The following ZBTB20 variants were observed in gnomAD, a reference collection of about 807,000 sequenced individuals.
ZBTB20 encodes the protein zinc finger and BTB domain containing 20, also known as zinc finger and BTB domain-containing protein 20.
A neutral mutation model predicts 56.9 loss-of-function variants in ZBTB20; 9 were observed. The ratio of observed to expected loss-of-function variants is 0.16; its 90% confidence interval spans 0.10 to 0.28. The LOEUF is 0.28. Ranked by LOEUF, ZBTB20 falls within the 10% of genes least tolerant of loss-of-function variation. ZBTB20 has a pLI of 1.00. For missense variants in ZBTB20, 655 were observed against 1,003.0 expected (o/e 0.65, Z 4.69); for synonymous variants, 417 against 420.7 (o/e 0.99, Z 0.11).
chr3:114,879,136 T>A (rs1308360764), intron 4 of ZBTB20, among the ~76,000 whole-genome samples: 2 of 152,272 alleles, frequency 1.3e-5, no homozygotes, highest in East Asian at 3.9e-4. Flanking sequence ...CCCAAAGAAG[T>A]GTGAACTTGT....
intron 6 of ZBTB20, among the ~76,000 whole-genome samples, chr3:114,557,697 C>T (rs962193887): frequency 6.6e-6 from 1 of 151,884 alleles, no homozygotes; most frequent in South Asian, 2.1e-4. Flanking sequence ...AAAAGGCTCC[C>T]ACTCCTTGCC....
At chr3:114,487,459 C>T (rs1220316158) in intron 7 of ZBTB20, among the ~76,000 whole-genome samples, 1 of 151,702 alleles carries the variant, frequency 6.6e-6, no homozygotes, top group African/African-American at 2.4e-5. Flanking sequence ...TGGACACTGT[C>T]TAAGGATTTA....
chr3:114,444,145 C>T (rs2091111078), intron 7 of ZBTB20, among the ~76,000 whole-genome samples: 1 of 152,146 alleles, frequency 6.6e-6, no homozygotes, highest in African/African-American at 2.4e-5. Context: ...CATTAGAACT[C>T]ATACTTTGAT....
intron 11 of ZBTB20, among the ~76,000 whole-genome samples, chr3:114,340,163 G>A (rs1051684335): frequency 6.6e-6 from 1 of 151,968 alleles, no homozygotes; most frequent in East Asian, 1.9e-4. Flanking sequence ...GATGATATCA[G>A]ACTCAAATGA....
intron 7 of ZBTB20, among the ~76,000 whole-genome samples, chr3:114,448,886 T>C (rs1242971925): frequency 1.3e-5 from 2 of 152,178 alleles, no homozygotes; most frequent in African/African-American, 4.8e-5. Flanking sequence ...TTTTCTCTTG[T>C]AGGTTAAAAT....
At chr3:114,580,709 T>A (rs940197053) in intron 6 of ZBTB20, among the ~76,000 whole-genome samples, 5 of 151,716 alleles carry the variant, frequency 3.3e-5, no homozygotes, top group African/African-American at 1.2e-4. Context: ...AATATAATAA[T>A]GTAAGAATCT....
At chr3:114,790,321 C>CT (rs888421960) in intron 5 of ZBTB20, among the ~76,000 whole-genome samples, 1 of 151,910 alleles carries the variant, frequency 6.6e-6, no homozygotes, top group Non-Finnish European at 1.5e-5. Flanking sequence ...TTCCTGATTC[C>CT]TTTTTTTGTT....
At chr3:114,839,463 GAA>G (rs1307008614) in intron 4 of ZBTB20, among the ~76,000 whole-genome samples, 56 of 149,248 alleles carry the variant, frequency 3.8e-4, no homozygotes, top group Middle Eastern at 6.9e-3. Context: ...AAGAAAGAAA[GAA>G]AGAGAGAGAG....
chr3:115,129,067 C>A (rs2084425948), intron 1 of ZBTB20, among the ~76,000 whole-genome samples: 2 of 152,074 alleles, frequency 1.3e-5, no homozygotes, highest in Non-Finnish European at 2.9e-5. Flanking sequence ...CCACTGCACT[C>A]CAGCCTGGGC....
intron 3 of ZBTB20, among the ~76,000 whole-genome samples, chr3:114,922,641 C>T (rs542587857): frequency 3.9e-5 from 6 of 152,208 alleles, no homozygotes; most frequent in Non-Finnish European, 8.8e-5. Context: ...ATGGCTTTTC[C>T]GGATGTACAA....
At chr3:114,483,100 A>G (rs2041731723) in intron 7 of ZBTB20, among the ~76,000 whole-genome samples, 1 of 152,198 alleles carries the variant, frequency 6.6e-6, no homozygotes, top group Admixed American at 6.5e-5. Context: ...GAGCCTTGAC[A>G]GCATCTCTTT....
chr3:114,693,268 T>C (rs1180484832), intron 6 of ZBTB20, among the ~76,000 whole-genome samples: 2 of 152,192 alleles, frequency 1.3e-5, no homozygotes, highest in Admixed American at 1.3e-4. Context: ...TTTGTCAAAA[T>C]CTGTGATAAT....
chr3:114,366,588 TTATACAGACTTG>T (rs2108387329), intron 10 of ZBTB20: 1 of 152,356 alleles, frequency 6.6e-6, no homozygotes, highest in East Asian at 1.9e-4. Context: ...ATTTTGGGAT[TTATACAGACTTG>T]TGTACAGTCT....
intron 6 of ZBTB20, among the ~76,000 whole-genome samples, chr3:114,670,468 T>C (rs546553139): frequency 2.0e-5 from 3 of 152,166 alleles, no homozygotes; most frequent in African/African-American, 7.2e-5. Context: ...AACACTTGCC[T>C]TTTTCTACCT....
chr3:114,867,640 G>A (rs1338695494), intron 4 of ZBTB20, among the ~76,000 whole-genome samples: 2 of 152,052 alleles, frequency 1.3e-5, no homozygotes, highest in Admixed American at 1.3e-4. Flanking sequence ...TCACCATGTT[G>A]GCCAGGCTGG....
chr3:114,919,503 C>T (rs1034659049), intron 3 of ZBTB20, among the ~76,000 whole-genome samples: 1 of 151,966 alleles, frequency 6.6e-6, no homozygotes, highest in Admixed American at 6.6e-5. Context: ...GTCAGGAGTT[C>T]GAGACCATCC....
intron 1 of ZBTB20, among the ~76,000 whole-genome samples, chr3:115,110,170 C>T (rs906642770): frequency 6.6e-6 from 1 of 151,654 alleles, no homozygotes; most frequent in Admixed American, 6.6e-5. Context: ...AGAGATCACG[C>T]CACTGCACTC....
At chr3:114,782,399 G>T (rs1173705774) in intron 5 of ZBTB20, among the ~76,000 whole-genome samples, 1 of 152,120 alleles carries the variant, frequency 6.6e-6, no homozygotes, top group East Asian at 1.9e-4. Flanking sequence ...TCCAATGGAG[G>T]GGCGTGTTGA....
intron 5 of ZBTB20, among the ~76,000 whole-genome samples, chr3:114,705,105 C>T (rs541453749): frequency 2.7e-4 from 41 of 152,096 alleles, no homozygotes; most frequent in Non-Finnish European, 5.3e-4. Flanking sequence ...AGGAAAAGGG[C>T]TGAGCTCCCA....
Sources: gnomAD v4.1 joint callset for allele counts (sites outside exome capture counted in the v4.1 genomes callset) on GRCh38, gnomAD v4.1.1 for gene constraint, MANE v1.5 for transcripts, NCBI Gene and HGNC (gene_info 2026-07-23, HGNC 2026-07-21) for gene names.